The following GPC6 variants were observed in gnomAD, a reference collection of about 807,000 sequenced individuals.
GPC6 encodes glypican 6.
Under a neutral mutation model 55.2 loss-of-function variants are expected in GPC6, and 14 were observed. The observed-to-expected ratio is 0.25, with a 90% CI of 0.17 to 0.40. The LOEUF is 0.40. Among genes scored for constraint, GPC6 ranks in the 10% least tolerant of loss-of-function variants. GPC6 has a pLI of 1.00. For synonymous variants in GPC6, 278 were observed against 259.6 expected, an observed-to-expected ratio of 1.07 and a Z score of -0.68; for missense variants, 641 against 708.5, an observed-to-expected ratio of 0.90 and a Z score of 1.08.
chr13:94,238,508 A>G (rs370311547), intron 4 of GPC6, among the ~76,000 whole-genome samples: 12 of 152,176 alleles, frequency 7.9e-5, no homozygotes, highest in East Asian at 5.8e-4. Flanking sequence ...CACGAGGACT[A>G]AGGGAGTAGA....
chr13:93,329,673 T>C (rs1056475082), intron 1 of GPC6, among the ~76,000 whole-genome samples: 2 of 152,144 alleles, frequency 1.3e-5, no homozygotes, highest in African/African-American at 2.4e-5. Context: ...ATGCTGTTGA[T>C]GTTTTTTGAG....
chr13:93,311,525 ATAAT>A, intron 1 of GPC6, among the ~76,000 whole-genome samples: 1 of 152,216 alleles, frequency 6.6e-6, no homozygotes, highest in African/African-American at 2.4e-5. Context: ...CGGTAATCCC[ATAAT>A]AGTGTTGACT....
At chr13:93,578,361 C>G (rs1404658142) in intron 2 of GPC6, among the ~76,000 whole-genome samples, 1 of 151,822 alleles carries the variant, frequency 6.6e-6, no homozygotes, top group Non-Finnish European at 1.5e-5. Context: ...TTTTATTACC[C>G]TTTCAGTCTT....
chr13:93,339,114 C>T (rs1193090848), intron 1 of GPC6, among the ~76,000 whole-genome samples: 1 of 152,166 alleles, frequency 6.6e-6, no homozygotes, highest in Non-Finnish European at 1.5e-5. Flanking sequence ...TTTGACAATT[C>T]CTCTGTATAC....
chr13:93,322,431 C>CTTTTTTTTTTTTTTTT (rs71272281), intron 1 of GPC6, among the ~76,000 whole-genome samples: 3 of 96,788 alleles, frequency 3.1e-5, no homozygotes, highest in Non-Finnish European at 3.9e-5. Flanking sequence ...TTTCTTTCTT[C>CTTTTTTTTTTTTTTTT]TTTTTTTTTT....
rs577145991 is a variant in GPC6 at position 93,435,213 on chromosome 13, C to G, written c.161-110050C>G. 4.5e-4 allele frequency among the ~76,000 whole-genome samples: 69 copies of G among 152,198 alleles called. No individual in the cohort carries two copies. In the South Asian group the frequency reaches 7.5e-3, roughly 16 times the overall value. ...CACTACATCTTTGATCTCTTAGGCC[C>G]AAGTGATCCTCCTGCCTCAGCCTCC... On this transcript the variant is annotated intron_variant, in intron 1 of 8. Transcript: ENST00000377047.
chr13:93,786,637 A>T (rs546466941), intron 2 of GPC6, among the ~76,000 whole-genome samples: 36 of 152,200 alleles, frequency 2.4e-4, no homozygotes, highest in Middle Eastern at 3.4e-3. Context: ...TTGTTTGACG[A>T]CTGAAAACTT....
chr13:94,314,882 C>T (rs151236469), intron 6 of GPC6, among the ~76,000 whole-genome samples: 1 of 152,264 alleles, frequency 6.6e-6, no homozygotes, highest in Non-Finnish European at 1.5e-5. Flanking sequence ...TGGCTATTCC[C>T]ATAACATACT....
intron 3 of GPC6, among the ~76,000 whole-genome samples, chr13:93,863,257 CTT>C (rs1177191641): frequency 6.6e-6 from 1 of 151,644 alleles, no homozygotes; most frequent in African/African-American, 2.4e-5. Flanking sequence ...CACAGTCACA[CTT>C]ATTTATTTTC....
At chr13:94,014,639 A>G (rs1038397366) in intron 3 of GPC6, among the ~76,000 whole-genome samples, 1 of 152,156 alleles carries the variant, frequency 6.6e-6, no homozygotes, top group Non-Finnish European at 1.5e-5. Context: ...TGTCACACAA[A>G]AAGAAAACTT....
At chr13:93,965,112 T>G (rs1410272943) in intron 3 of GPC6, among the ~76,000 whole-genome samples, 1 of 141,446 alleles carries the variant, frequency 7.1e-6, no homozygotes, top group Non-Finnish European at 1.5e-5. Context: ...GTTTGTTTTT[T>G]TTTTTTTTTT....
intron 3 of GPC6, among the ~76,000 whole-genome samples, chr13:93,885,149 A>G (rs899902887): frequency 2.1e-4 from 32 of 152,012 alleles, no homozygotes; most frequent in African/African-American, 3.9e-4. Flanking sequence ...CCCATTAACT[A>G]TGTTGGCAGA....
chr13:94,267,981 A>T (rs141198749), intron 4 of GPC6, among the ~76,000 whole-genome samples: 75 of 152,370 alleles, frequency 4.9e-4, no homozygotes, highest in African/African-American at 1.8e-3. Context: ...TTAAACACAG[A>T]TGAAGTTAAA....
intron 4 of GPC6, among the ~76,000 whole-genome samples, chr13:94,031,951 A>G (rs1230831274): frequency 2.6e-5 from 4 of 152,312 alleles, no homozygotes; most frequent in Admixed American, 2.6e-4. Context: ...TTCTGCAAAC[A>G]TCTGGTACCT....
chr13:93,797,886 A>C (rs898554945), intron 2 of GPC6, among the ~76,000 whole-genome samples: 3 of 152,154 alleles, frequency 2.0e-5, no homozygotes, highest in African/African-American at 7.2e-5. Context: ...AGTGGGTTTT[A>C]ACAAAGGTTA....
At chr13:93,477,669 T>G (rs574934793) in intron 1 of GPC6, among the ~76,000 whole-genome samples, 2 of 152,308 alleles carry the variant, frequency 1.3e-5, no homozygotes, top group Admixed American at 6.5e-5. Flanking sequence ...TGCATATAAC[T>G]TACAGAATTG....
intron 1 of GPC6, among the ~76,000 whole-genome samples, chr13:93,397,335 G>T (rs927019757): frequency 1.3e-5 from 2 of 151,558 alleles, no homozygotes; most frequent in Admixed American, 1.3e-4. Flanking sequence ...CCTTTTTTTG[G>T]TATAGCCATC....
intron 3 of GPC6, among the ~76,000 whole-genome samples, chr13:94,005,030 C>T (rs1881957802): frequency 6.6e-6 from 1 of 152,136 alleles, no homozygotes; most frequent in Non-Finnish European, 1.5e-5. Flanking sequence ...TGCACCACTG[C>T]ACTCCAGCCT....
chr13:93,998,979 C>T (rs1436885008), intron 3 of GPC6, among the ~76,000 whole-genome samples: 1 of 152,142 alleles, frequency 6.6e-6, no homozygotes, highest in East Asian at 1.9e-4. Flanking sequence ...AATACTTCCT[C>T]AACTCCCAAC....
Sources: allele counts gnomAD v4.1 joint callset (sites outside exome capture counted in the v4.1 genomes callset), GRCh38; gene constraint gnomAD v4.1.1; transcripts MANE v1.5; gene names NCBI Gene and HGNC (gene_info 2026-07-23, HGNC 2026-07-21).